Variants in SCARB1 observed in about 807,000 individuals in gnomAD.
SCARB1 encodes CD36 and LIMPII analogous 1.
SCARB1 carries 30 observed loss-of-function variants against 57.2 expected under a neutral mutation model. The ratio of observed to expected loss-of-function variants is 0.52; its 90% confidence interval spans 0.39 to 0.71. The LOEUF (loss-of-function observed/expected upper bound fraction) is 0.71. SCARB1 is among the 30% of genes least tolerant of loss of function. The pLI is 0.00. For missense variants in SCARB1, 543 were observed against 671.2 expected (o/e 0.81, Z 2.11); for synonymous variants, 249 against 268.3 (o/e 0.93, Z 0.70).
chr12:124,832,197 C>T (rs11057841), intron 1 of SCARB1, among the ~76,000 whole-genome samples: 26,969 of 152,226 alleles, frequency 0.18, 2,630 homozygotes, highest in Middle Eastern at 0.28. Flanking sequence ...GGGAACTCAG[C>T]ACTATCTTCC....
rs1463777598 is a variant in SCARB1 at position 124,796,194 on chromosome 12, A to G, written c.1129-926T>C. Among the ~76,000 whole-genome samples, 3 of 152,164 alleles carry G rather than the reference A, an allele frequency of 2.0e-5. No homozygotes were observed. The highest frequency in any genetic ancestry group is 4.4e-5 in the Non-Finnish European group (3 of 68,022). ...GTCTCAAACTCCTGGCAGCAAGCGA[A>G]CTGCCCACCTTGGCCTCCCAAAGTG... On this transcript the variant is annotated intron_variant, in intron 8 of 12. Coordinates refer to ENST00000261693, the MANE Select transcript of SCARB1 (RefSeq NM_005505.5). The surrounding 1 kb of genome is among the most constrained non-coding windows in gnomAD (Gnocchi z 4.0).
Position 124,855,699 on chromosome 12 carries a change from G to A in SCARB1, c.126+7896C>T, listed in dbSNP as rs1387568638. Among the ~76,000 whole-genome samples the A allele has an allele frequency of 7.2e-5, 11 of 152,278 alleles. No homozygotes were observed. The East Asian group carries it at 1.5e-3, about 21-fold the overall frequency. Reference sequence around the variant, plus strand: ...CCTCCTGGAGCAGAAGGCCTGGACCGAACTCTCCTCCACAGAATCCTCCAG... The same window carrying A: ...CCTCCTGGAGCAGAAGGCCTGGACCAAACTCTCCTCCACAGAATCCTCCAG... On this transcript the variant is annotated intron_variant, in intron 1 of 12. Coordinates refer to ENST00000261693, the MANE Select transcript of SCARB1 (RefSeq NM_005505.5).
intron 1 of SCARB1, among the ~76,000 whole-genome samples, chr12:124,858,747 C>T (rs905516321): frequency 1.2e-4 from 18 of 151,918 alleles, no homozygotes; most frequent in Non-Finnish European, 1.6e-4. Context: ...GGTGCGGTGG[C>T]GGGCGCCTGT....
intron 1 of SCARB1, among the ~76,000 whole-genome samples, chr12:124,853,122 A>T (rs78815179): frequency 0.044 from 6,735 of 152,182 alleles, 518 homozygotes; most frequent in African/African-American, 0.15. Context: ...AAGCTTCAAA[A>T]GGTTACATTT....
intron 6 of SCARB1, among the ~76,000 whole-genome samples, 200 bp from the exon 7 acceptor site, chr12:124,808,127 C>T (rs1439600659): frequency 1.3e-5 from 2 of 152,122 alleles, no homozygotes; most frequent in Non-Finnish European, 2.9e-5. Context: ...TCCCCACCCA[C>T]ATCAATGTAT....
intron 12 of SCARB1, among the ~76,000 whole-genome samples, 159 bp downstream of exon 12, chr12:124,782,524 T>C (rs1277150891): frequency 1.3e-5 from 2 of 152,148 alleles, no homozygotes; most frequent in Non-Finnish European, 1.5e-5. Flanking sequence ...GGGCAGTTTC[T>C]CCAAAAGCAA....
chr12:124,837,117 T>C (rs906268784), intron 1 of SCARB1, among the ~76,000 whole-genome samples: 6 of 152,166 alleles, frequency 3.9e-5, no homozygotes, highest in Non-Finnish European at 7.3e-5. Context: ...TGCTCCCCAG[T>C]TGCACCTGCA....
chr12:124,852,615 G>T (rs1445402425), intron 1 of SCARB1, among the ~76,000 whole-genome samples: 1 of 152,244 alleles, frequency 6.6e-6, no homozygotes, highest in Non-Finnish European at 1.5e-5. Flanking sequence ...CTGGACAAGG[G>T]TCTCCAACTA....
In SCARB1 at chr12:124,819,054, G is replaced by A. The variant is rs1472410875; in HGVS notation, c.127-1347C>T. Among the ~76,000 whole-genome samples, 3 of 151,966 alleles carry A rather than the reference G, an allele frequency of 2.0e-5. No individual in the cohort carries two copies. In the East Asian group the frequency reaches 5.8e-4, roughly 29 times the overall value. ...AGATGGGAGGGTCACTTGAGCCAAG[G>A]AGGTCGAGGCTGCAGTGAGCTGTAA... On this transcript the variant is annotated intron_variant, in intron 1 of 12. Transcript: ENST00000261693.
At chr12:124,831,859 G>C (rs935431571) in intron 1 of SCARB1, among the ~76,000 whole-genome samples, 11 of 152,312 alleles carry the variant, frequency 7.2e-5, no homozygotes. Flanking sequence ...CTAATCAATA[G>C]AAGAACAACA....
intron 1 of SCARB1, among the ~76,000 whole-genome samples, chr12:124,836,982 G>A (rs953552974): frequency 1.3e-5 from 2 of 152,146 alleles, no homozygotes; most frequent in African/African-American, 4.8e-5. Flanking sequence ...GCCCAGCACA[G>A]GCGTGGCAAG....
rs7958037 is a variant in SCARB1, at chr12:124,821,702, G to A, written c.127-3995C>T. On this transcript the variant is annotated intron_variant, in intron 1 of 12. Coordinates refer to ENST00000261693, the MANE Select transcript of SCARB1 (RefSeq NM_005505.5). ...ATGGGCTGCTGTGAGGTTTGAATGAGTCCATGGAGGTAAAGTGCTTAGAAC... is the reference window on the plus strand; with the variant it reads ...ATGGGCTGCTGTGAGGTTTGAATGAATCCATGGAGGTAAAGTGCTTAGAAC... Among the ~76,000 whole-genome samples, 5,560 of 152,230 alleles carry A rather than the reference G, an allele frequency of 0.037. 572 individuals carry two copies. The East Asian group carries it at 0.4, about 11-fold the overall frequency.
intron 1 of SCARB1, among the ~76,000 whole-genome samples, chr12:124,834,906 C>T (rs1454817473): frequency 6.6e-6 from 1 of 152,016 alleles, no homozygotes. Flanking sequence ...AGACCCTGTC[C>T]ACCCCCCCAA....
Position 124,849,334 on chromosome 12 carries a change from C to T in SCARB1, c.126+14261G>A, listed in dbSNP as rs540345887. Reference sequence around the variant, plus strand: ...CATCCCTCCCACCCCTACCTCATCCCCTCTCTGCCCACGGCACACCCCTGC... The same window carrying T: ...CATCCCTCCCACCCCTACCTCATCCTCTCTCTGCCCACGGCACACCCCTGC... On this transcript the variant is annotated intron_variant, in intron 1 of 12. Coordinates refer to ENST00000261693, the MANE Select transcript of SCARB1 (RefSeq NM_005505.5). 2.0e-5 allele frequency among the ~76,000 whole-genome samples: 3 copies of T among 152,332 alleles called. No homozygotes were observed. In the South Asian group the frequency reaches 6.2e-4, roughly 32 times the overall value.
intron 1 of SCARB1, among the ~76,000 whole-genome samples, chr12:124,848,927 C>A (rs1952276085): frequency 6.6e-6 from 1 of 152,220 alleles, no homozygotes; most frequent in Non-Finnish European, 1.5e-5. Context: ...CTGTGTCTAT[C>A]CGGTTAAGAT....
At chr12:124,855,287 A>G (rs1952581885) in intron 1 of SCARB1, among the ~76,000 whole-genome samples, 1 of 151,924 alleles carries the variant, frequency 6.6e-6, no homozygotes, top group African/African-American at 2.4e-5. Context: ...AGAAAACAAG[A>G]AAATTAAGAC....
chr12:124,800,139 G>A lies in SCARB1; in HGVS notation c.1113C>T (p.Phe371=). ...LHPNQEAHSL[F]LDIHPVTGIP... The stretch of plus-strand genomic sequence containing the variant: ...AGGGGCTCACCGGGTGGATGTCCAG[G>A]AACAAGGAGTGTGCCTCCTGGTTAG... The change falls in exon 8 of 13, where the codon TTC becomes TTT. Residue 371 remains phenylalanine, a synonymous_variant. Transcript: ENST00000261693. This position sits in a 1 kb window ranked among gnomAD's most constrained non-coding sequence, Gnocchi z 4.8. The A allele has an allele frequency of 6.2e-7, 1 of 1,612,828 alleles. No individual in the cohort carries two copies. The highest frequency in any genetic ancestry group is 8.5e-7 in the Non-Finnish European group (1 of 1,178,850).
intron 1 of SCARB1, among the ~76,000 whole-genome samples, chr12:124,826,352 G>C (rs985890739): frequency 2.7e-5 from 4 of 146,398 alleles, no homozygotes; most frequent in Non-Finnish European, 6.0e-5. Context: ...AAAAAAAAGA[G>C]GTGACTATAT....
rs1950787268 is a variant in SCARB1, at chr12:124,817,484, A to C, written c.284+66T>G. On this transcript the variant is annotated intron_variant, in intron 2 of 12. Transcript: ENST00000261693. The surrounding 1 kb of genome is among the most constrained non-coding windows in gnomAD (Gnocchi z 4.8). ...AGTCAGCAGCCTCCCCATCCCGTCC[A>C]CTCTGAGACCCCTCCCCTGCCCAGC... 4.6e-6 allele frequency: 7 copies of C among 1,538,004 alleles called. No homozygotes were observed. Among genetic ancestry groups the C allele is most frequent in the Non-Finnish European group, 5.3e-6 (6 of 1,124,468 alleles).
Sources: allele counts gnomAD v4.1 joint callset (sites outside exome capture counted in the v4.1 genomes callset), GRCh38; gene constraint gnomAD v4.1.1; non-coding constraint Gnocchi (gnomAD v3.1); transcripts MANE v1.5; gene names NCBI Gene and HGNC (gene_info 2026-07-23, HGNC 2026-07-21).